The following TMC5 variants were observed in gnomAD, a reference collection of about 807,000 sequenced individuals.
TMC5 encodes transmembrane channel-like protein 5.
Under a neutral mutation model 110.5 loss-of-function variants are expected in TMC5, and 86 were observed. That is an observed-to-expected ratio of 0.78 (90% CI 0.65 to 0.93). TMC5 has a LOEUF of 0.93. TMC5 is among the 40% of genes least tolerant of loss of function. The pLI is 0.00. For synonymous variants in TMC5, 455 were observed against 439.5 expected, an observed-to-expected ratio of 1.04 and a Z score of -0.44; for missense variants, 1,144 against 1,222.8, an observed-to-expected ratio of 0.94 and a Z score of 0.96.
At position 19,444,207 on chromosome 16, in the gene TMC5, C is replaced by T; in HGVS notation, c.915C>T (p.Asn305=). The change falls in exon 4 of 22, where the codon AAC becomes AAT. Residue 305 remains asparagine (N), a synonymous_variant. Coordinates refer to ENST00000542583, the MANE Select transcript of TMC5 (RefSeq NM_001261841.2). ...AAATGGCATCCATGGAGATGGCAAA[C>T]TCATATGGCCACTCTCTGCCAGGTG... ...GIEMASMEMA[N]SYGHSLPGAP... 1 of 1,614,002 alleles carries T rather than the reference C, an allele frequency of 6.2e-7. No individual in the cohort carries two copies. Among genetic ancestry groups the T allele is most frequent in the Non-Finnish European group, 8.5e-7 (1 of 1,180,012 alleles).
At chr16:19,462,535 A>G (rs1247368926) in intron 6 of TMC5, 1 of 702,178 alleles carries the variant, frequency 1.4e-6, no homozygotes, top group Admixed American at 2.0e-5. Flanking sequence ...ACAGAGGACG[A>G]AGGAAGAGCA....
rs1968565846 is a variant in TMC5, at chr16:19,479,513, G to A, written c.2252G>A (p.Gly751Glu). Reference sequence around the variant, plus strand: ...TTCTCTTTAGTCAATTCCTTCCTGGGGGAGTTTCTGAGGAGGTAAATATTT... The same window carrying A: ...TTCTCTTTAGTCAATTCCTTCCTGGAGGAGTTTCTGAGGAGGTAAATATTT... ...FVFSLVNSFLGEFLRRIIGMQ... is the reference protein window; with the variant it reads ...FVFSLVNSFLEEFLRRIIGMQ... The change falls in exon 14 of 22, where the codon GGG becomes GAG. Residue 751 changes from glycine (G) to glutamate (E), a missense_variant. Physicochemically the swap from Gly to Glu is moderately conservative, Grantham distance 98. Coordinates refer to ENST00000542583, the MANE Select transcript of TMC5 (RefSeq NM_001261841.2). 1.2e-6 allele frequency: 2 copies of A among 1,613,292 alleles called. No homozygotes were observed. Among genetic ancestry groups the A allele is most frequent in the Non-Finnish European group, 1.7e-6 (2 of 1,179,346 alleles).
In TMC5 at chr16:19,490,427, G is replaced by T. The variant is rs752208363; in HGVS notation, c.2606G>T (p.Arg869Leu). Reference sequence around the variant, plus strand: ...CCTTCAGCTGACTGTGGCCCTTTTCGAGGTCTGCCTCTCTTCATTCACTCC... The same window carrying T: ...CCTTCAGCTGACTGTGGCCCTTTTCTAGGTCTGCCTCTCTTCATTCACTCC... Reference protein sequence around the residue: ...LKPSADCGPFRGLPLFIHSIY... With the variant: ...LKPSADCGPFLGLPLFIHSIY... The change falls in exon 18 of 22, where the codon CGA becomes CTA. Residue 869 changes from arginine to leucine, a missense_variant. Coordinates refer to ENST00000542583, the MANE Select transcript of TMC5 (RefSeq NM_001261841.2). 29 of 1,613,976 alleles carry T rather than the reference G, an allele frequency of 1.8e-5. No homozygotes were observed. The highest frequency in any genetic ancestry group is 2.4e-5 in the Non-Finnish European group (28 of 1,180,024).
In TMC5 at chr16:19,492,178, A is replaced by T; in HGVS notation, c.2776A>T (p.Thr926Ser). 6.2e-7 allele frequency: 1 copy of T among 1,613,530 alleles called. No homozygotes were observed. Among genetic ancestry groups the T allele is most frequent in the Non-Finnish European group, 8.5e-7 (1 of 1,179,548 alleles). Residue 926 changes from threonine (T) to serine (S), a missense_variant, in exon 19 of 22, where the codon ACA (threonine) becomes TCA (serine). Physicochemically the swap from Thr to Ser is moderately conservative, Grantham distance 58. Coordinates refer to ENST00000542583, the MANE Select transcript of TMC5 (RefSeq NM_001261841.2). ...CATCACCTATCTTTACTGGCAGATC[A>T]CAGAGGGAAGGAAGATTATGATAAG... ...LIITYLYWQI[T>S]EGRKIMIRLL... is the part of the protein sequence containing the mutation.
Position 19,418,018 on chromosome 16 carries a change from T to C in TMC5, c.-382T>C, listed in dbSNP as rs1257843446. 6.6e-6 allele frequency: 1 copy of C among 152,180 alleles called. No individual in the cohort carries two copies. Among genetic ancestry groups the C allele is most frequent in the Non-Finnish European group, 1.5e-5 (1 of 68,054 alleles). 9.4% of individuals were successfully genotyped at this position (152,180 alleles called of 1,614,324 possible). A position where few individuals can be genotyped will look rare whatever the true frequency, so the allele number is the denominator to read the frequency against. On this transcript the variant is annotated 5_prime_UTR_variant, in exon 1 of 22. Coordinates refer to ENST00000542583, the MANE Select transcript of TMC5 (RefSeq NM_001261841.2). ...TTAGTTAAGAAAAAAAGAGGACCTG[T>C]TGCCTGTCCCTCTAGCTTTGAACTA...
At chr16:19,459,865 C>T (rs950734410) in intron 5 of TMC5, among the ~76,000 whole-genome samples, 2 of 134,480 alleles carry the variant, frequency 1.5e-5, no homozygotes, top group Non-Finnish European at 3.1e-5. Flanking sequence ...TTGCAGTGGG[C>T]TGTGATTGTG....
In TMC5 at chr16:19,430,468, A is replaced by G. The variant is rs1967172343; in HGVS notation, c.-252A>G. The G allele has an allele frequency of 6.6e-6, 1 of 152,384 alleles. No individual in the cohort carries two copies. Among genetic ancestry groups the G allele is most frequent in the Non-Finnish European group, 1.5e-5 (1 of 68,056 alleles). The allele number at this position is 152,384 out of a possible 1,614,324, so 9.4% of individuals were successfully genotyped here. On this transcript the variant is annotated 5_prime_UTR_variant, in exon 2 of 22. Transcript: ENST00000542583. ...TGGAATATTCAGACTTCAGACCAGC[A>G]TCACAGATTATAACCCTCCGTAAAT...
chr16:19,457,115 C>A (rs747865318), intron 5 of TMC5: 2 of 1,009,332 alleles, frequency 2.0e-6, no homozygotes, highest in Non-Finnish European at 2.9e-6. Flanking sequence ...TGGGGCCAGG[C>A]GTGGTGGCTC....
At chr16:19,475,096 T>G (rs7200119) in intron 12 of TMC5, among the ~76,000 whole-genome samples, 54,488 of 152,014 alleles carry the variant, frequency 0.36, 14,102 homozygotes, top group African/African-American at 0.73. Context: ...TTTCTTCCCT[T>G]ACTCGTTCCT....
In TMC5 at chr16:19,449,573, T is replaced by C. The variant is rs370888069; in HGVS notation, c.990T>C (p.Pro330=). The C allele has an allele frequency of 2.5e-6, 4 of 1,614,202 alleles. No individual in the cohort carries two copies. The South Asian group carries it at 4.4e-5, about 18-fold the overall frequency. ...CTGCTTATGTAGGTGAAAGTGGTCCTGTCCATGCTTATGGAAACCCACCAT... is the reference window on the plus strand; with the variant it reads ...CTGCTTATGTAGGTGAAAGTGGTCCCGTCCATGCTTATGGAAACCCACCAT... ...VNPAYVGESG[P]VHAYGNPPLS... is the part of the protein sequence containing the mutation. Residue 330 remains proline, a synonymous_variant, in exon 5 of 22, where the codon CCT becomes CCC. Transcript: ENST00000542583.
Position 19,440,086 on chromosome 16 carries a change from C to T in TMC5, c.48C>T (p.Tyr16=), listed in dbSNP as rs772767082. The change falls in exon 3 of 22, where the codon TAC becomes TAT. Residue 16 remains tyrosine, a synonymous_variant. Transcript: ENST00000542583. The part of the protein sequence containing the change: ...RNNWSEEDPD[Y]PDYSGSQNRT... The stretch of plus-strand genomic sequence containing the variant: ...ACTGGTCTGAGGAAGACCCAGATTA[C>T]CCTGACTATTCAGGGTCTCAGAACC... The T allele has an allele frequency of 4.3e-6, 7 of 1,614,078 alleles. No individual in the cohort carries two copies. Among genetic ancestry groups the T allele is most frequent in the Middle Eastern group, 1.7e-4 (1 of 6,058 alleles).
chr16:19,452,652 G>A (rs1398489538), intron 5 of TMC5, among the ~76,000 whole-genome samples: 4 of 152,308 alleles, frequency 2.6e-5, no homozygotes, highest in Non-Finnish European at 5.9e-5. Context: ...AGGAGGCGGA[G>A]AATGCAGTGA....
chr16:19,447,037 A>G (rs1296206459), intron 4 of TMC5, among the ~76,000 whole-genome samples: 1 of 152,070 alleles, frequency 6.6e-6, no homozygotes, highest in Non-Finnish European at 1.5e-5. Context: ...AACAACAACA[A>G]CAACTATAAG....
intron 12 of TMC5, among the ~76,000 whole-genome samples, chr16:19,476,468 T>C (rs57880490): frequency 0.052 from 7,908 of 152,206 alleles, 710 homozygotes; most frequent in African/African-American, 0.18. Flanking sequence ...TAAAAGTTTG[T>C]ATAGAAGGGG....
chr16:19,441,734 G>GT (rs1967494762), intron 3 of TMC5, among the ~76,000 whole-genome samples: 1 of 152,092 alleles, frequency 6.6e-6, no homozygotes, highest in South Asian at 2.1e-4. Context: ...ATCAATTATA[G>GT]TTTTCACCAT....
chr16:19,429,172 A>G (rs181362612), intron 1 of TMC5, among the ~76,000 whole-genome samples: 4 of 152,124 alleles, frequency 2.6e-5, no homozygotes, highest in African/African-American at 7.2e-5. Context: ...CTGTCTTGAA[A>G]CCACAGACCT....
intron 15 of TMC5, among the ~76,000 whole-genome samples, chr16:19,484,174 C>T (rs1304814443): frequency 2.0e-5 from 3 of 151,784 alleles, no homozygotes; most frequent in Admixed American, 6.6e-5. Context: ...ACCAATATGT[C>T]ATACAACGGG....
At chr16:19,420,082 C>G (rs560413920) in intron 1 of TMC5, among the ~76,000 whole-genome samples, 1 of 152,096 alleles carries the variant, frequency 6.6e-6, no homozygotes, top group Non-Finnish European at 1.5e-5. Flanking sequence ...CTGCCTTAGC[C>G]TCCTAAGTAG....
intron 17 of TMC5, among the ~76,000 whole-genome samples, chr16:19,490,112 C>G (rs750896189): frequency 1.3e-5 from 2 of 152,130 alleles, no homozygotes; most frequent in Non-Finnish European, 2.9e-5. Flanking sequence ...GAAAAAAAGT[C>G]TGACTGCCCC....
Sources: allele counts gnomAD v4.1 joint callset (sites outside exome capture counted in the v4.1 genomes callset), GRCh38; gene constraint gnomAD v4.1.1; transcripts MANE v1.5; gene names NCBI Gene and HGNC (gene_info 2026-07-23, HGNC 2026-07-21).